Variants in LRP5 observed in about 807,000 individuals in gnomAD.
The protein encoded by LRP5 is LDL receptor related protein 5, also known as low-density lipoprotein receptor-related protein 5.
In LRP5, 62 loss-of-function variants were observed where a neutral mutation model predicts 154.1. The observed-to-expected ratio is 0.40, with a 90% confidence interval of 0.33 to 0.50. The LOEUF (loss-of-function observed/expected upper bound fraction) is 0.50, where lower values mean the gene tolerates loss of function less well. Ranked by LOEUF, LRP5 falls within the 20% of genes least tolerant of loss-of-function variation. The pLI, the probability that LRP5 is intolerant of heterozygous loss-of-function variation, is 0.55. For synonymous variants in LRP5, 966 were observed against 1,011.5 expected (o/e 0.96, Z 0.85); for missense variants, 1,915 against 2,336.7 (o/e 0.82, Z 3.72).
intron 7 of LRP5, among the ~76,000 whole-genome samples, chr11:68,396,217 C>T (rs2098649272): frequency 6.6e-6 from 1 of 151,972 alleles, no homozygotes; most frequent in South Asian, 2.1e-4. Context: ...TAAATGGGGT[C>T]AGGGAGGAGA....
At chr11:68,402,443 G>A (rs2098653130) in intron 7 of LRP5, among the ~76,000 whole-genome samples, 2 of 152,210 alleles carry the variant, frequency 1.3e-5, no homozygotes, top group African/African-American at 4.8e-5. Context: ...GAAAGCATCT[G>A]AGACCTGCAG....
chr11:68,406,631 A>G lies in LRP5; in HGVS notation c.1909A>G (p.Met637Val). 4 of 1,614,158 alleles carry G rather than the reference A, an allele frequency of 2.5e-6. No homozygotes were observed. Among genetic ancestry groups the G allele is most frequent in the East Asian group, 2.2e-5 (1 of 44,880 alleles). ...CPIGLELLSD[M>V]KTCIVPEAFL... Reference sequence around the variant, plus strand: ...CATCGGCCTGGAGCTGCTGAGTGACATGAAGACCTGCATCGTGCCTGAGGC... The same window carrying G: ...CATCGGCCTGGAGCTGCTGAGTGACGTGAAGACCTGCATCGTGCCTGAGGC... The change falls in exon 9 of 23, where the codon ATG becomes GTG. Residue 637 changes from methionine to valine, a missense_variant. Met to Val is a conservative substitution (Grantham distance 21). Transcript: ENST00000294304.
At chr11:68,308,412 C>A (rs764463719), upstream of LRP5, among the ~76,000 whole-genome samples, 2 of 152,188 alleles carry the variant, frequency 1.3e-5, no homozygotes, top group Non-Finnish European at 2.9e-5. Flanking sequence ...GGTGCTGAGC[C>A]CCTGTTACTT....
rs766646482 is a variant in LRP5, at chr11:68,425,193, G to A, written c.3328G>A (p.Gly1110Ser). The A allele has an allele frequency of 8.1e-6, 13 of 1,613,482 alleles. No individual in the cohort carries two copies. Among genetic ancestry groups the A allele is most frequent in the South Asian group, 5.5e-5 (5 of 91,086 alleles). The change falls in exon 15 of 23, where the codon GGC becomes AGC. Residue 1110 changes from glycine (G) to serine (S), a missense_variant. Transcript: ENST00000294304. ...GTEREVLFTT[G>S]LIRPVALVVD... ...CGAGCGCGAGGTCCTCTTCACCACC[G>A]GCCTCATCCGCCCTGTGGCCCTGGT...
intron 2 of LRP5, among the ~76,000 whole-genome samples, chr11:68,355,568 G>A (rs913949433): frequency 1.3e-5 from 2 of 152,158 alleles, no homozygotes; most frequent in South Asian, 4.1e-4. Flanking sequence ...TGAGAGTCAC[G>A]CCCAGCCTCT....
chr11:68,431,060 G>T (rs542141356), intron 17 of LRP5, among the ~76,000 whole-genome samples: 1 of 151,958 alleles, frequency 6.6e-6, no homozygotes, highest in South Asian at 2.1e-4. Flanking sequence ...GTGACCATCT[G>T]TATCCTCACC....
chr11:68,432,884 C>A (rs907839965), intron 17 of LRP5, among the ~76,000 whole-genome samples: 1 of 152,216 alleles, frequency 6.6e-6, no homozygotes, highest in Non-Finnish European at 1.5e-5. Flanking sequence ...GACGTGGAGC[C>A]CCGAGGGGCA....
At position 68,386,724 on chromosome 11, in the gene LRP5, G is replaced by A. The variant is rs189423416; in HGVS notation, c.1412+12G>A. 2.4e-5 allele frequency: 39 copies of A among 1,609,248 alleles called. No homozygotes were observed. The Admixed American group carries it at 2.5e-4, about 10-fold the overall frequency. The stretch of plus-strand genomic sequence containing the variant: ...CACCCCGTGATGGGGTAAGACGGGC[G>A]GGGGCTGGGGCCTGGAGCCAGGGCC... On this transcript the variant is annotated intron_variant, in intron 6 of 22. Coordinates refer to ENST00000294304, the MANE Select transcript of LRP5 (RefSeq NM_002335.4). The surrounding 1 kb of genome is among the most constrained non-coding windows in gnomAD (Gnocchi z 7.9).
At chr11:68,311,309 A>T (rs561033400), upstream of LRP5, among the ~76,000 whole-genome samples, 1 of 152,200 alleles carries the variant, frequency 6.6e-6, no homozygotes, top group South Asian at 2.1e-4. Flanking sequence ...TTCTACCACC[A>T]GCTCCAGCTC....
intron 6 of LRP5, among the ~76,000 whole-genome samples, chr11:68,387,119 CTT>C (rs57008632): frequency 4.2e-5 from 6 of 144,500 alleles, no homozygotes; most frequent in Admixed American, 6.9e-5. Flanking sequence ...CTCTTTTTTT[CTT>C]TTTTTTTTTT....
chr11:68,409,865 A>AAT, intron 9 of LRP5, 49 bp from the exon 10 acceptor site: 1 of 1,380,182 alleles, frequency 7.2e-7, no homozygotes, highest in Non-Finnish European at 1.0e-6. Context: ...AAAAAAAAAA[A>AAT]GATGCTGGTT....
intron 9 of LRP5, among the ~76,000 whole-genome samples, chr11:68,408,940 C>A (rs2153165633): frequency 6.7e-6 from 1 of 149,384 alleles, no homozygotes; most frequent in South Asian, 2.1e-4. Context: ...TCCCAGCCAC[C>A]AAGGAGGCTG....
the LRP5 span, among the ~76,000 whole-genome samples, chr11:68,299,024 G>A: frequency 1.3e-5 from 2 of 152,144 alleles, no homozygotes; most frequent in South Asian, 2.1e-4. Context: ...AGGGACATCC[G>A]CCGTCCCGAT....
intron 19 of LRP5, among the ~76,000 whole-genome samples, chr11:68,437,855 G>A (rs1397290022): frequency 1.3e-5 from 2 of 152,244 alleles, no homozygotes; most frequent in South Asian, 2.1e-4. Context: ...CTGTTGATGC[G>A]CAGCCAGGCC....
chr11:68,409,073 A>AAAATATATATATATATATATAT (rs2098657548), intron 9 of LRP5, among the ~76,000 whole-genome samples: 3 of 44,166 alleles, frequency 6.8e-5, no homozygotes, highest in African/African-American at 3.9e-4. Flanking sequence ...AAAAAAAAAA[A>AAAATATATATATATATATATAT]ATATATATAT....
chr11:68,334,960 T>C (rs1396863438), intron 1 of LRP5, among the ~76,000 whole-genome samples: 5 of 152,098 alleles, frequency 3.3e-5, no homozygotes, highest in Non-Finnish European at 1.5e-5. Context: ...ATAAAGTCAC[T>C]GGGAACCCTG....
At chr11:68,390,939 G>A (rs1281890654) in intron 7 of LRP5, among the ~76,000 whole-genome samples, 1 of 152,212 alleles carries the variant, frequency 6.6e-6, no homozygotes, top group Non-Finnish European at 1.5e-5. Context: ...CCTCTCTTGA[G>A]CTTTTTTGTT....
chr11:68,310,386 G>A (rs1275635442), upstream of LRP5, among the ~76,000 whole-genome samples: 1 of 152,188 alleles, frequency 6.6e-6, no homozygotes, highest in Non-Finnish European at 1.5e-5. Context: ...TTGGGAGGCC[G>A]AGGCAGGTGG....
In LRP5 at chr11:68,406,962, T is replaced by TAA. The variant is rs58524064; in HGVS notation, c.2091+159_2091+160dup. The stretch of plus-strand genomic sequence containing the variant: ...CTAATCAAATATGAGCAAGCCTATT[T>TAA]AAAAAAAAAAAGATGATTATAATGA... On this transcript the variant is annotated intron_variant, in intron 9 of 22. Coordinates refer to ENST00000294304, the MANE Select transcript of LRP5 (RefSeq NM_002335.4). 0.089 allele frequency: 49,927 copies of TAA among 558,826 alleles called. 487 individuals carry two copies. The highest frequency in any genetic ancestry group is 0.14 in the Middle Eastern group (271 of 2,006). The allele number at this position is 558,826 out of a possible 1,614,324, so 34.6% of individuals were successfully genotyped here. A position where few individuals can be genotyped will look rare whatever the true frequency, so the allele number is the denominator to read the frequency against.
Sources: allele counts gnomAD v4.1 joint callset (sites outside exome capture counted in the v4.1 genomes callset), GRCh38; gene constraint gnomAD v4.1.1; non-coding constraint Gnocchi (gnomAD v3.1); transcripts MANE v1.5; gene names NCBI Gene and HGNC (gene_info 2026-07-23, HGNC 2026-07-21).